The following PLB1 variants were observed in gnomAD, a reference collection of about 807,000 sequenced individuals.
PLB1 encodes the protein phospholipase B1, also known as phospholipase B1, membrane-associated.
A neutral mutation model predicts 227.4 loss-of-function variants in PLB1; 242 were observed. The observed-to-expected ratio is 1.06, with a 90% confidence interval of 0.96 to 1.18. The LOEUF is 1.18. PLB1 is among the 50% of genes most tolerant of loss of function. PLB1 has a pLI of 0.00. For synonymous variants in PLB1, 757 were observed against 682.2 expected, an observed-to-expected ratio of 1.11 and a Z score of -1.71; for missense variants, 1,858 against 1,816.3, an observed-to-expected ratio of 1.02 and a Z score of -0.42.
chr2:28,574,384 C>CTTTTTTTTTTT (rs70956023), intron 21 of PLB1, among the ~76,000 whole-genome samples: 1 of 73,966 alleles, frequency 1.4e-5, no homozygotes, highest in African/African-American at 5.6e-5. Context: ...TTATATCATT[C>CTTTTTTTTTTT]TTTTTTTTTT....
chr2:28,613,808 G>A (rs751434643), intron 43 of PLB1, among the ~76,000 whole-genome samples: 3 of 152,168 alleles, frequency 2.0e-5, no homozygotes, highest in Non-Finnish European at 2.9e-5. Context: ...ACTACAATGG[G>A]TATGAAACCC....
At chr2:28,562,359 T>C (rs577441660) in intron 17 of PLB1, among the ~76,000 whole-genome samples, 42 of 151,880 alleles carry the variant, frequency 2.8e-4, no homozygotes, top group Non-Finnish European at 5.4e-4. Flanking sequence ...CTGGCCAACA[T>C]GGGGAAACCC....
At chr2:28,620,087 G>A (rs1278101308) in intron 46 of PLB1, among the ~76,000 whole-genome samples, 178 bp from the exon 47 acceptor site, 1 of 151,788 alleles carries the variant, frequency 6.6e-6, no homozygotes, top group Non-Finnish European at 1.5e-5. Context: ...TGTAGGTAAA[G>A]AACTGAGGAG....
chr2:28,642,157 G>T (rs1424958110), intron 57 of PLB1, among the ~76,000 whole-genome samples: 2 of 152,084 alleles, frequency 1.3e-5, no homozygotes, highest in Non-Finnish European at 2.9e-5. Context: ...GACCCATGTG[G>T]GTCTCCTTTT....
Position 28,582,477 on chromosome 2 carries a change from A to G in PLB1, c.1705A>G (p.Lys569Glu), listed in dbSNP as rs191849022. 6.8e-6 allele frequency: 11 copies of G among 1,611,494 alleles called. No homozygotes were observed. The highest frequency in any genetic ancestry group is 4.0e-5 in the African/African-American group (3 of 74,954). ...VNLRELYQEK[K>E]VYCPRMILRS... ...CCTGAGGGAGCTGTACCAGGAGAAA[A>G]AAGTCTACTGCCCAAGGATGATCCT... Residue 569 changes from lysine to glutamate, a missense_variant, in exon 25 of 58, where the codon AAA (lysine) becomes GAA (glutamate). Lys to Glu is a moderately conservative substitution (Grantham distance 56, BLOSUM62 1). Coordinates refer to ENST00000327757, the MANE Select transcript of PLB1 (RefSeq NM_153021.5).
At chr2:28,579,581 T>TGACTC in intron 22 of PLB1, 46 bp from the exon 23 acceptor site, 1 of 1,500,992 alleles carries the variant, frequency 6.7e-7, no homozygotes, top group South Asian at 1.1e-5. Context: ...TTCCTTGACT[T>TGACTC]GACTCTGGGA....
At chr2:28,532,681 T>G (rs1472879277) in intron 9 of PLB1, among the ~76,000 whole-genome samples, 1 of 152,184 alleles carries the variant, frequency 6.6e-6, no homozygotes, top group Non-Finnish European at 1.5e-5. Context: ...AAAACTATCT[T>G]GCGTCTTAAT....
chr2:28,520,327 A>G (rs929697691), intron 4 of PLB1, among the ~76,000 whole-genome samples: 1 of 152,140 alleles, frequency 6.6e-6, no homozygotes, highest in African/African-American at 2.4e-5. Context: ...CCATTAATAC[A>G]TTAAATCAAA....
intron 14 of PLB1, chr2:28,548,593 A>G (rs956188683): frequency 7.6e-6 from 4 of 526,164 alleles, no homozygotes; most frequent in African/African-American, 1.9e-5. Flanking sequence ...TTCTATATAT[A>G]TATATATAAA....
intron 30 of PLB1, 114 bp from the exon 31 acceptor site, chr2:28,591,586 C>A: frequency 1.8e-6 from 2 of 1,112,482 alleles, no homozygotes; most frequent in Non-Finnish European, 2.6e-6. Flanking sequence ...AGGCCCCTCC[C>A]TAGGAGTAGG....
chr2:28,589,448 A>G lies in PLB1; in HGVS notation c.1816-2A>G, dbSNP rs752546905. ...GACATCTGTCCCCTTTTCCTCCTGC[A>G]GGAGAAGACCCACCAACTGATTGAG... On this transcript the variant is annotated splice_acceptor_variant, in intron 26 of 57. Transcript: ENST00000327757. LOFTEE classifies it high-confidence loss of function. 5 of 1,613,762 alleles carry G rather than the reference A, an allele frequency of 3.1e-6. No individual in the cohort carries two copies. The highest frequency in any genetic ancestry group is 3.4e-6 in the Non-Finnish European group (4 of 1,179,620).
Position 28,592,529 on chromosome 2 carries a change from G to A in PLB1, c.2189-132G>A, listed in dbSNP as rs182770782. The A allele has an allele frequency of 1.0e-4, 91 of 879,964 alleles. 1 individual carries two copies. In the East Asian group the frequency reaches 2.1e-3, roughly 21 times the overall value. The allele number at this position is 879,964 out of a possible 1,614,324, so 54.5% of individuals were successfully genotyped here. On this transcript the variant is annotated intron_variant, in intron 31 of 57. Coordinates refer to ENST00000327757, the MANE Select transcript of PLB1 (RefSeq NM_153021.5). The stretch of plus-strand genomic sequence containing the variant: ...CATATAACTTTGCCTCCATGGCACT[G>A]TGCACACCCAGCCCTGCATGGCCCC...
At chr2:28,504,741 CA>C (rs2148159390) in intron 1 of PLB1, among the ~76,000 whole-genome samples, 1 of 151,758 alleles carries the variant, frequency 6.6e-6, no homozygotes, top group East Asian at 1.9e-4. Context: ...GACTCAGTCT[CA>C]AAAAAACAAA....
chr2:28,536,668 C>T (rs553341373), intron 9 of PLB1, among the ~76,000 whole-genome samples: 11 of 152,138 alleles, frequency 7.2e-5, no homozygotes, highest in Non-Finnish European at 1.2e-4. Flanking sequence ...AGGGGGCAAA[C>T]GATACACATG....
At chr2:28,624,252 CCTT>C (rs1362173017) in intron 49 of PLB1, among the ~76,000 whole-genome samples, 2 of 152,184 alleles carry the variant, frequency 1.3e-5, no homozygotes, top group African/African-American at 2.4e-5. Context: ...CAACCACTAA[CCTT>C]CTTTCCATCA....
chr2:28,593,922 GAGAGGATATTTTACT>G, intron 33 of PLB1, 168 bp downstream of exon 33: 1 of 747,056 alleles, frequency 1.3e-6, no homozygotes, highest in Non-Finnish European at 2.5e-6. Flanking sequence ...TTGGTGAGTG[GAGAGGATATTTTACT>G]GTTGATAATC....
chr2:28,525,639 T>G (rs1670142089), intron 5 of PLB1, among the ~76,000 whole-genome samples: 1 of 152,182 alleles, frequency 6.6e-6, no homozygotes, highest in South Asian at 2.1e-4. Context: ...AGTCTCATTC[T>G]ACCCTGGGGT....
rs776119270 is a variant in PLB1 at position 28,585,890 on chromosome 2, C to T, written c.1815+48C>T. On this transcript the variant is annotated intron_variant, in intron 26 of 57. Transcript: ENST00000327757. ...GACTTCCCAGAACTGCTGTGTGATTCGATTGCTCTGTCTAGAGAACAAGTC... is the reference window on the plus strand; with the variant it reads ...GACTTCCCAGAACTGCTGTGTGATTTGATTGCTCTGTCTAGAGAACAAGTC... 22 of 1,472,782 alleles carry T rather than the reference C, an allele frequency of 1.5e-5. No individual in the cohort carries two copies. The East Asian group carries it at 2.3e-4, about 15-fold the overall frequency. The allele number at this position is 1,472,782 out of a possible 1,614,324, so 91.2% of individuals were successfully genotyped here.
rs760772166 is a variant in PLB1 at position 28,628,614 on chromosome 2, A to C, written c.3712A>C (p.Ile1238Leu). 1 of 1,614,112 alleles carries C rather than the reference A, an allele frequency of 6.2e-7. No individual in the cohort carries two copies. The highest frequency in any genetic ancestry group is 8.5e-7 in the Non-Finnish European group (1 of 1,180,014). Residue 1238 changes from isoleucine (I) to leucine (L), a missense_variant, in exon 52 of 58, where the codon ATC becomes CTC. Coordinates refer to ENST00000327757, the MANE Select transcript of PLB1 (RefSeq NM_153021.5). ...YVQHIQQALD[I>L]LSEELPRAFV... ...TCAGCACATCCAACAGGCCCTGGAC[A>C]TCCTCTCTGAGGAGGTAGGAGAGGG...
Sources: gnomAD v4.1 joint callset for allele counts (sites outside exome capture counted in the v4.1 genomes callset) on GRCh38, gnomAD v4.1.1 for gene constraint, MANE v1.5 for transcripts, NCBI Gene and HGNC (gene_info 2026-07-23, HGNC 2026-07-21) for gene names.